The following BIRC6 variants were observed in gnomAD, a reference collection of about 807,000 sequenced individuals.
BIRC6 encodes the protein baculoviral IAP repeat containing 6.
Under a neutral mutation model 503.3 loss-of-function variants are expected in BIRC6, and 98 were observed. That is an observed-to-expected ratio of 0.19 (90% CI 0.17 to 0.23). The LOEUF is 0.23. Ranked by LOEUF, BIRC6 falls within the 10% of genes least tolerant of loss-of-function variation. The pLI, the probability that BIRC6 is intolerant of heterozygous loss-of-function variation, is 1.00. For missense variants in BIRC6, 5,360 were observed against 5,806.0 expected (o/e 0.92, Z 2.50); for synonymous variants, 2,240 against 2,078.7 (o/e 1.08, Z -2.11).
rs148146098 is a variant in BIRC6 at position 32,574,270 on chromosome 2, C to T, written c.13145-886C>T. On this transcript the variant is annotated intron_variant, in intron 65 of 73. Transcript: ENST00000421745. ...CAGGGACTACAGGTGTGCGCCACCACGCCCAGCTAATTTTTTGTTATCTTT... is the reference window on the plus strand; with the variant it reads ...CAGGGACTACAGGTGTGCGCCACCATGCCCAGCTAATTTTTTGTTATCTTT... Among the ~76,000 whole-genome samples the T allele has an allele frequency of 2.5e-3, 374 of 151,054 alleles. 4 individuals are homozygous for T. Among genetic ancestry groups the T allele is most frequent in the African/African-American group, 8.1e-3 (332 of 41,114 alleles).
At chr2:32,501,957 G>A in intron 47 of BIRC6, 69 bp downstream of exon 47, 1 of 1,378,140 alleles carries the variant, frequency 7.3e-7, no homozygotes, top group Non-Finnish European at 1.0e-6. Flanking sequence ...GAAAATTACA[G>A]GACAAAGATA....
intron 66 of BIRC6, among the ~76,000 whole-genome samples, chr2:32,578,348 A>G (rs1366092262): frequency 6.6e-6 from 1 of 151,860 alleles, no homozygotes; most frequent in Non-Finnish European, 1.5e-5. Flanking sequence ...AAAGCTCCCC[A>G]CCCCACCTGT....
chr2:32,516,604 A>AG (rs2055070196), intron 55 of BIRC6, among the ~76,000 whole-genome samples: 1 of 151,670 alleles, frequency 6.6e-6, no homozygotes, highest in African/African-American at 2.4e-5. Context: ...AAAAAAAAAA[A>AG]AAGTGGAAGA....
Position 32,453,828 on chromosome 2 carries a change from T to TG in BIRC6, c.4640dup (p.Cys1547TrpfsTer5). On this transcript the variant is annotated frameshift_variant, in exon 23 of 74. Transcript: ENST00000421745. LOFTEE classifies it high-confidence loss of function. Reference sequence around the variant, plus strand: ...ATTAGGAAATGGAAAGGTCAGTAGTTGCACAGCTGCTGAGGGTAGTTTCAC... The same window carrying TG: ...ATTAGGAAATGGAAAGGTCAGTAGTTGGCACAGCTGCTGAGGGTAGTTTCAC... 1 of 1,613,770 alleles carries TG rather than the reference T, an allele frequency of 6.2e-7. No homozygotes were observed. The highest frequency in any genetic ancestry group is 8.5e-7 in the Non-Finnish European group (1 of 1,179,710).
At chr2:32,583,268 C>CTG (rs1363671867) in intron 66 of BIRC6, among the ~76,000 whole-genome samples, 1 of 152,180 alleles carries the variant, frequency 6.6e-6, no homozygotes, top group Non-Finnish European at 1.5e-5. Context: ...TGGGTATTCA[C>CTG]TGTACAGATT....
At chr2:32,583,308 T>C (rs970547908) in intron 66 of BIRC6, among the ~76,000 whole-genome samples, 9 of 152,236 alleles carry the variant, frequency 5.9e-5, no homozygotes, top group Admixed American at 3.9e-4. Context: ...GATGATGTTT[T>C]AATATTTTTT....
At position 32,537,830 on chromosome 2, in the gene BIRC6, G is replaced by T. The variant is rs1018351296; in HGVS notation, c.12292-5411G>T. Among the ~76,000 whole-genome samples, 3 of 152,028 alleles carry T rather than the reference G, an allele frequency of 2.0e-5. No homozygotes were observed. In the East Asian group the frequency reaches 5.8e-4, roughly 29 times the overall value. ...AAATACAAAAAATTAGCCGGGCGGG[G>T]TGGCAGGTGCCTGTAGTCCCAGCTA... On this transcript the variant is annotated intron_variant, in intron 61 of 73. Transcript: ENST00000421745.
At position 32,547,903 on chromosome 2, in the gene BIRC6, T is replaced by C. The variant is rs147158028; in HGVS notation, c.12864T>C (p.Tyr4288=). The change falls in exon 64 of 74, where the codon TAT becomes TAC. Residue 4288 remains tyrosine (Y), a synonymous_variant. Transcript: ENST00000421745. ...CATCAACAGAAGAACAACAGTTATATTGGGCCAAAGGGACTGGCTTTGGAA... is the reference window on the plus strand; with the variant it reads ...CATCAACAGAAGAACAACAGTTATACTGGGCCAAAGGGACTGGCTTTGGAA... ...NPTSTEEQQL[Y]WAKGTGFGTG... 4.2e-5 allele frequency: 68 copies of C among 1,613,298 alleles called. No individual in the cohort carries two copies. In the East Asian group the frequency reaches 1.4e-3, roughly 33 times the overall value.
chr2:32,541,296 A>G (rs1313941044), intron 61 of BIRC6, among the ~76,000 whole-genome samples: 2 of 152,190 alleles, frequency 1.3e-5, no homozygotes, highest in Middle Eastern at 3.4e-3. Context: ...TGTTCTTACA[A>G]TTAGGCTATT....
At chr2:32,388,126 C>G (rs1331966090) in intron 3 of BIRC6, among the ~76,000 whole-genome samples, 1 of 152,010 alleles carries the variant, frequency 6.6e-6, no homozygotes, top group East Asian at 1.9e-4. Flanking sequence ...GTGGCTCATG[C>G]CTGTAATCCC....
Position 32,463,379 on chromosome 2 carries a change from C to G in BIRC6, c.4939C>G (p.Gln1647Glu). The stretch of plus-strand genomic sequence containing the variant: ...GCAGCAGCTTTTGAAGCTTCAGCAA[C>G]AGGTTGGAGACTATTTGGCTCTTTG... ...KQQQLLKLQQ[Q>E]KAKLEAKLHQ... is the part of the protein sequence containing the mutation. The change falls in exon 24 of 74, where the codon CAG becomes GAG. Residue 1647 changes from glutamine (Q) to glutamate (E), a missense_variant and splice_region_variant. Gln to Glu is a conservative substitution (Grantham distance 29). Transcript: ENST00000421745. The G allele has an allele frequency of 1.2e-6, 2 of 1,610,100 alleles. No individual in the cohort carries two copies.
intron 45 of BIRC6, among the ~76,000 whole-genome samples, chr2:32,494,162 C>T (rs1005480742): frequency 1.8e-4 from 27 of 152,046 alleles, no homozygotes; most frequent in Middle Eastern, 3.4e-3. Context: ...GCTTCAATAT[C>T]ATATATCTCT....
At chr2:32,387,031 C>T (rs888405341) in intron 3 of BIRC6, among the ~76,000 whole-genome samples, 2 of 152,176 alleles carry the variant, frequency 1.3e-5, no homozygotes, top group South Asian at 4.1e-4. Flanking sequence ...GCTTGACCAT[C>T]CTACGTGCCC....
intron 1 of BIRC6, among the ~76,000 whole-genome samples, chr2:32,359,433 T>TAAGACAAA (rs1283084489): frequency 1.3e-5 from 2 of 152,346 alleles, no homozygotes; most frequent in African/African-American, 4.8e-5. Context: ...CAATATTCAC[T>TAAGACAAA]TTAGTGGTAG....
chr2:32,475,817 T>C (rs998921974), intron 33 of BIRC6, among the ~76,000 whole-genome samples: 2 of 152,060 alleles, frequency 1.3e-5, no homozygotes, highest in Non-Finnish European at 2.9e-5. Flanking sequence ...AATATAGACA[T>C]ACCAAAATGT....
intron 66 of BIRC6, among the ~76,000 whole-genome samples, chr2:32,578,878 C>CGTAA (rs946230507): frequency 5.3e-5 from 8 of 150,576 alleles, no homozygotes; most frequent in African/African-American, 2.0e-4. Context: ...ATTTCTGTCT[C>CGTAA]TATTACTGTG....
chr2:32,463,426 A>C (rs1226197374), intron 24 of BIRC6, 45 bp downstream of exon 24: 2 of 1,488,270 alleles, frequency 1.3e-6, no homozygotes, highest in Non-Finnish European at 1.8e-6. Flanking sequence ...TCTAAACTTC[A>C]AAAGCTGAAA....
chr2:32,488,146 G>C (rs993925125), intron 41 of BIRC6, among the ~76,000 whole-genome samples: 1 of 151,972 alleles, frequency 6.6e-6, no homozygotes, highest in Non-Finnish European at 1.5e-5. Context: ...TTCGAGACCA[G>C]CTTGGGCAAC....
chr2:32,543,916 G>C (rs1387341055), intron 62 of BIRC6, among the ~76,000 whole-genome samples: 1 of 152,170 alleles, frequency 6.6e-6, no homozygotes, highest in Non-Finnish European at 1.5e-5. Context: ...CTTGAGTGCA[G>C]TATTATGGAG....
Sources: allele counts gnomAD v4.1 joint callset (sites outside exome capture counted in the v4.1 genomes callset), GRCh38; gene constraint gnomAD v4.1.1; transcripts MANE v1.5; gene names NCBI Gene and HGNC (gene_info 2026-07-23, HGNC 2026-07-21).